PRDM8: variants seen among roughly 807,000 people sequenced by gnomAD.
PRDM8 encodes PR/SET domain 8.
PRDM8 carries 13 observed loss-of-function variants against 46.5 expected under a neutral mutation model. The observed-to-expected ratio is 0.28, with a 90% confidence interval of 0.18 to 0.44. PRDM8 has a LOEUF of 0.44. PRDM8 is among the 20% of genes least tolerant of loss of function. The probability of loss-of-function intolerance (pLI) is 1.00; values close to 1 mark genes in which losing one functional copy is unlikely to be tolerated. For synonymous variants in PRDM8, 473 were observed against 438.4 expected (o/e 1.08, Z -0.98); for missense variants, 998 against 955.0 (o/e 1.04, Z -0.59).
Position 80,202,517 on chromosome 4 carries a change from C to G in PRDM8, c.1055C>G (p.Pro352Arg). 11 of 1,538,082 alleles carry G rather than the reference C, an allele frequency of 7.2e-6. No individual in the cohort carries two copies. Among genetic ancestry groups the G allele is most frequent in the Non-Finnish European group, 9.6e-6 (11 of 1,146,588 alleles). The change falls in exon 4 of 4, where the codon CCG becomes CGG. Residue 352 changes from proline (P) to arginine (R), a missense_variant. Transcript: ENST00000415738. ...PASKEDLVCT[P>R]QQYRASGSYF... ...TCCAAGGAGGATCTGGTGTGCACAC[C>G]GCAGCAGTACCGAGCCTCGGGCAGC...
chr4:80,198,994 GTTTTTT>G (rs1310531623), intron 1 of PRDM8, among the ~76,000 whole-genome samples: 3 of 63,506 alleles, frequency 4.7e-5, no homozygotes, highest in Non-Finnish European at 7.2e-5. Flanking sequence ...TTTTTTTTTT[GTTTTTT>G]TTTTTTTTTT....
At chr4:80,196,484 G>A (rs1295847733), upstream of PRDM8, 6 of 985,352 alleles carry the variant, frequency 6.1e-6, no homozygotes, top group Non-Finnish European at 7.2e-6. Context: ...CACTAAAGGG[G>A]CAAGTCAGCG....
At position 80,203,662 on chromosome 4, in the gene PRDM8, C is replaced by A. The variant is rs1289048754; in HGVS notation, c.*130C>A. On this transcript the variant is annotated 3_prime_UTR_variant, in exon 4 of 4. Coordinates refer to ENST00000415738, the MANE Select transcript of PRDM8 (RefSeq NM_001099403.2). ...GCACAAAGACACATACATTCACCGC[C>A]CCCCCGCCCCCCCAACGCGCACACA... 4.4e-6 allele frequency: 6 copies of A among 1,370,016 alleles called. No individual in the cohort carries two copies. Among genetic ancestry groups the A allele is most frequent in the Non-Finnish European group, 5.7e-6 (6 of 1,056,814 alleles). 84.9% of individuals were successfully genotyped at this position (1,370,016 alleles called of 1,614,324 possible).
At chr4:80,199,709 A>ATATGTGTGTGTG (rs370819149) in intron 1 of PRDM8, among the ~76,000 whole-genome samples, 3 of 132,976 alleles carry the variant, frequency 2.3e-5, no homozygotes, top group East Asian at 2.2e-4. Flanking sequence ...ATATATATAT[A>ATATGTGTGTGTG]TGTGTGTGTG....
At chr4:80,186,691 A>G (rs1330882191) in intron 1 of PRDM8, among the ~76,000 whole-genome samples, 3 of 152,108 alleles carry the variant, frequency 2.0e-5, no homozygotes, top group Non-Finnish European at 4.4e-5. Flanking sequence ...AGTTTCTATA[A>G]ATCTGTTAGT....
chr4:80,203,697 T>G lies in PRDM8; in HGVS notation c.*165T>G. Reference sequence around the variant, plus strand: ...CCCCAACGCGCACACACACGTCCTCTCCTCCCAGGAACCTCATTCAAATAT... The same window carrying G: ...CCCCAACGCGCACACACACGTCCTCGCCTCCCAGGAACCTCATTCAAATAT... On this transcript the variant is annotated 3_prime_UTR_variant, in exon 4 of 4. Coordinates refer to ENST00000415738, the MANE Select transcript of PRDM8 (RefSeq NM_001099403.2). 1 of 1,094,400 alleles carries G rather than the reference T, an allele frequency of 9.1e-7. No homozygotes were observed. Among genetic ancestry groups the G allele is most frequent in the Non-Finnish European group, 1.2e-6 (1 of 848,074 alleles). 67.8% of individuals were successfully genotyped at this position (1,094,400 alleles called of 1,614,324 possible).
In PRDM8 at chr4:80,202,597, G is replaced by A. The variant is rs1738596858; in HGVS notation, c.1135G>A (p.Gly379Ser). The A allele has an allele frequency of 2.0e-6, 3 of 1,532,806 alleles. No homozygotes were observed. Among genetic ancestry groups the A allele is most frequent in the African/African-American group, 2.8e-5 (2 of 72,484 alleles). The allele number at this position is 1,532,806 out of a possible 1,614,324, so 95.0% of individuals were successfully genotyped here. Residue 379 changes from glycine to serine, a missense_variant, in exon 4 of 4, where the codon GGC (glycine) becomes AGC (serine). Physicochemically the swap from Gly to Ser is moderately conservative, Grantham distance 56. Coordinates refer to ENST00000415738, the MANE Select transcript of PRDM8 (RefSeq NM_001099403.2). ...RLFAPPSPET[G>S]EAKRSAFVEV... ...CTTCGCGCCGCCAAGTCCCGAGACG[G>A]GCGAGGCGAAGCGCAGCGCCTTCGT...
upstream of PRDM8, among the ~76,000 whole-genome samples, chr4:80,194,477 A>G (rs1056590325): frequency 1.3e-5 from 2 of 152,232 alleles, no homozygotes; most frequent in African/African-American, 2.4e-5. Context: ...TAGTTTATGT[A>G]CCATTTTAGC....
upstream of PRDM8, chr4:80,196,751 A>G (rs1333622749): frequency 1.1e-6 from 1 of 870,824 alleles, no homozygotes; most frequent in South Asian, 5.3e-5. Context: ...CAAACAAAAA[A>G]AAAACAGGAA....
chr4:80,190,937 C>A (rs1737495572), intron 1 of PRDM8, among the ~76,000 whole-genome samples: 1 of 152,220 alleles, frequency 6.6e-6, no homozygotes, highest in South Asian at 2.1e-4. Context: ...AGTAAACTGA[C>A]TCTAGAATAT....
chr4:80,197,439 G>A (rs1738047978), upstream of PRDM8: 11 of 985,770 alleles, frequency 1.1e-5, no homozygotes, highest in Non-Finnish European at 1.3e-5. Context: ...GGGGACGTGG[G>A]CTGTCACGCG....
Position 80,204,016 on chromosome 4 carries a change from T to C in PRDM8, c.*484T>C, listed in dbSNP as rs1443479827. 2 of 152,876 alleles carry C rather than the reference T, an allele frequency of 1.3e-5. No homozygotes were observed. The highest frequency in any genetic ancestry group is 2.9e-5 in the Non-Finnish European group (2 of 68,200). 9.5% of individuals were successfully genotyped at this position (152,876 alleles called of 1,614,324 possible). A position where few individuals can be genotyped will look rare whatever the true frequency, so the allele number is the denominator to read the frequency against. Reference sequence around the variant, plus strand: ...TATAAAGTAAAGGAGGAGGGTGAGATGCTTTCTGCATTTCTTGATGACAGT... The same window carrying C: ...TATAAAGTAAAGGAGGAGGGTGAGACGCTTTCTGCATTTCTTGATGACAGT... On this transcript the variant is annotated 3_prime_UTR_variant, in exon 4 of 4. Transcript: ENST00000415738.
In PRDM8 at chr4:80,197,712, T is replaced by TC. The variant is rs1738072241; in HGVS notation, c.-51dup. 4.1e-6 allele frequency: 4 copies of TC among 982,334 alleles called. No homozygotes were observed. The highest frequency in any genetic ancestry group is 1.7e-5 in the African/African-American group (1 of 57,152). 60.9% of individuals were successfully genotyped at this position (982,334 alleles called of 1,614,324 possible). On this transcript the variant is annotated 5_prime_UTR_variant, in exon 1 of 4. Coordinates refer to ENST00000415738, the MANE Select transcript of PRDM8 (RefSeq NM_001099403.2). Reference sequence around the variant, plus strand: ...CAAAAGGAAACACTCGATTGCATCTTCCCGGTTCCAGGTGGCCTTATTTGG... The same window carrying TC: ...CAAAAGGAAACACTCGATTGCATCTTCCCCGGTTCCAGGTGGCCTTATTTGG...
At chr4:80,200,324 G>T (rs1738344277) in intron 2 of PRDM8, 25 bp downstream of exon 2, 1 of 1,555,486 alleles carries the variant, frequency 6.4e-7, no homozygotes. Flanking sequence ...TAGCTGTGTA[G>T]GTGTATGAGG....
chr4:80,202,737 C>T lies in PRDM8; in HGVS notation c.1275C>T (p.Pro425=), dbSNP rs1738619872. Residue 425 remains proline (P), a synonymous_variant, in exon 4 of 4, where the codon CCC becomes CCT. Coordinates refer to ENST00000415738, the MANE Select transcript of PRDM8 (RefSeq NM_001099403.2). ...GCGGCGGCGGCGGCTCCTCCACGCC[C>T]GCGGCCGCGTCACCGGTGGGCGCCG... ...DAGGGGGSST[P]AAASPVGAEK... 6 of 1,292,142 alleles carry T rather than the reference C, an allele frequency of 4.6e-6. No individual in the cohort carries two copies. The highest frequency in any genetic ancestry group is 5.9e-6 in the Non-Finnish European group (6 of 1,025,060). 80.0% of individuals were successfully genotyped at this position (1,292,142 alleles called of 1,614,324 possible). A position where few individuals can be genotyped will look rare whatever the true frequency, so the allele number is the denominator to read the frequency against.
At chr4:80,199,735 G>GTT (rs1738285725) in intron 1 of PRDM8, among the ~76,000 whole-genome samples, 1 of 143,218 alleles carries the variant, frequency 7.0e-6, no homozygotes, top group African/African-American at 2.6e-5. Context: ...GTGTGTGTGT[G>GTT]TGTACATATA....
chr4:80,204,106 G>A lies in PRDM8; in HGVS notation c.*574G>A, dbSNP rs1738804259. The A allele has an allele frequency of 6.5e-6, 1 of 152,674 alleles. No individual in the cohort carries two copies. The highest frequency in any genetic ancestry group is 6.5e-5 in the Admixed American group (1 of 15,290). The allele number at this position is 152,674 out of a possible 1,614,324, so 9.5% of individuals were successfully genotyped here. ...ATCACCATTCAATTTGAGTTTCCAG[G>A]GGGAAGTGCATGTATAATGAAATGA... On this transcript the variant is annotated 3_prime_UTR_variant, in exon 4 of 4. Coordinates refer to ENST00000415738, the MANE Select transcript of PRDM8 (RefSeq NM_001099403.2).
In PRDM8 at chr4:80,203,675, C is replaced by A; in HGVS notation, c.*143C>A. ...TACATTCACCGCCCCCCCGCCCCCCCAACGCGCACACACACGTCCTCTCCT... is the reference window on the plus strand; with the variant it reads ...TACATTCACCGCCCCCCCGCCCCCCAAACGCGCACACACACGTCCTCTCCT... On this transcript the variant is annotated 3_prime_UTR_variant, in exon 4 of 4. Transcript: ENST00000415738. The A allele has an allele frequency of 7.2e-7, 1 of 1,389,476 alleles. No homozygotes were observed. Among genetic ancestry groups the A allele is most frequent in the African/African-American group, 1.5e-5 (1 of 65,042 alleles). The allele number at this position is 1,389,476 out of a possible 1,614,324, so 86.1% of individuals were successfully genotyped here.
chr4:80,190,708 G>A (rs921898902), intron 1 of PRDM8, among the ~76,000 whole-genome samples: 4 of 152,238 alleles, frequency 2.6e-5, no homozygotes, highest in Non-Finnish European at 4.4e-5. Flanking sequence ...ACATCAGGAA[G>A]TGTCCGAGTC....
Sources: allele counts gnomAD v4.1 joint callset (sites outside exome capture counted in the v4.1 genomes callset), GRCh38; gene constraint gnomAD v4.1.1; transcripts MANE v1.5; gene names NCBI Gene and HGNC (gene_info 2026-07-23, HGNC 2026-07-21).